Variants in CHRM5 observed in about 807,000 individuals in gnomAD.
The protein encoded by CHRM5 is cholinergic receptor muscarinic 5.
CHRM5 carries 18 observed loss-of-function variants against 39.0 expected under a neutral mutation model. That is an observed-to-expected ratio of 0.46 (90% CI 0.32 to 0.68). CHRM5 has a LOEUF of 0.68. CHRM5 is among the 30% of genes least tolerant of loss of function. The pLI is 0.04. For missense variants in CHRM5, 515 were observed against 651.1 expected (o/e 0.79, Z 2.28); for synonymous variants, 241 against 246.3 (o/e 0.98, Z 0.20).
Position 34,047,168 on chromosome 15 carries a change from CCCGGGTTCACGCCATTCT to C in CHRM5, c.-76+300_-76+317del, listed in dbSNP as rs1899730386. On this transcript the variant is annotated intron_variant, in intron 2 of 2. Coordinates refer to ENST00000383263, the MANE Select transcript of CHRM5 (RefSeq NM_012125.4). ...TCTCGGCTCACTGCAAGCTCCGCCT[CCCGGGTTCACGCCATTCT>C]CCTGCCTCAGCCTCCCGAGTAGCTG... Among the ~76,000 whole-genome samples the C allele has an allele frequency of 2.0e-5, 3 of 151,830 alleles. No individual in the cohort carries two copies. In the South Asian group the frequency reaches 6.2e-4, roughly 32 times the overall value.
intron 1 of CHRM5, among the ~76,000 whole-genome samples, chr15:34,007,822 A>G (rs370233270): frequency 8.6e-4 from 131 of 152,230 alleles, no homozygotes; most frequent in African/African-American, 3.0e-3. Flanking sequence ...TCTGAGGGAG[A>G]ATCTATTCCA....
At chr15:34,059,755 C>T (rs754153360) in intron 2 of CHRM5, among the ~76,000 whole-genome samples, 1 of 152,116 alleles carries the variant, frequency 6.6e-6, no homozygotes, top group Non-Finnish European at 1.5e-5. Flanking sequence ...CTTCAAGTCT[C>T]GACTCTTAGG....
Position 34,063,210 on chromosome 15 carries a change from G to T in CHRM5, c.493G>T (p.Ala165Ser). Reference sequence around the variant, plus strand: ...GATCTCCTTCATCCTCTGGGCCCCAGCAATCCTCTGCTGGCAGTACTTGGT... The same window carrying T: ...GATCTCCTTCATCCTCTGGGCCCCATCAATCCTCTGCTGGCAGTACTTGGT... ...WLISFILWAP[A>S]ILCWQYLVGK... is the part of the protein sequence containing the mutation. Residue 165 changes from alanine to serine, a missense_variant, in exon 3 of 3, where the codon GCA (alanine) becomes TCA (serine). Coordinates refer to ENST00000383263, the MANE Select transcript of CHRM5 (RefSeq NM_012125.4). The surrounding 1 kb of genome is among the most constrained non-coding windows in gnomAD (Gnocchi z 4.1). 6.2e-7 allele frequency: 1 copy of T among 1,614,194 alleles called. No individual in the cohort carries two copies. The highest frequency in any genetic ancestry group is 8.5e-7 in the Non-Finnish European group (1 of 1,180,044).
chr15:34,062,429 C>T (rs1900365954), intron 2 of CHRM5, among the ~76,000 whole-genome samples: 1 of 151,894 alleles, frequency 6.6e-6, no homozygotes, highest in South Asian at 2.1e-4. Flanking sequence ...GTGGTGGGAG[C>T]CTGTGATCCC....
intron 1 of CHRM5, among the ~76,000 whole-genome samples, chr15:34,017,185 C>A (rs1156737975): frequency 6.6e-6 from 1 of 151,946 alleles, no homozygotes; most frequent in Non-Finnish European, 1.5e-5. Context: ...TGAATCCAAC[C>A]ACCCGTCTCA....
chr15:33,996,391 G>A (rs1424145121), intron 1 of CHRM5, among the ~76,000 whole-genome samples: 1 of 152,240 alleles, frequency 6.6e-6, no homozygotes, highest in African/African-American at 2.4e-5. Flanking sequence ...GTGGGTCCCT[G>A]AACCCCATGT....
At chr15:34,038,706 C>CT in intron 1 of CHRM5, 1 of 1,107,472 alleles carries the variant, frequency 9.0e-7, no homozygotes, top group Non-Finnish European at 1.1e-6. Flanking sequence ...TCTCTTGCGG[C>CT]TCTTGACTGG....
At chr15:34,056,631 C>T (rs1900162064) in intron 2 of CHRM5, among the ~76,000 whole-genome samples, 1 of 152,186 alleles carries the variant, frequency 6.6e-6, no homozygotes, top group Non-Finnish European at 1.5e-5. Context: ...TGAGCAGACT[C>T]TGAGGAAGAC....
intron 1 of CHRM5, chr15:33,991,262 CCTT>C (rs1896709534): frequency 1.3e-5 from 2 of 152,080 alleles, no homozygotes; most frequent in African/African-American, 4.8e-5. Flanking sequence ...AAAATACAGA[CCTT>C]CTAACACTTT....
In CHRM5 at chr15:34,014,390, A is replaced by AAAAAAAAAAAAAAAAG. The variant is rs1897784377; in HGVS notation, c.-407-32150_-407-32149insAAAAAAAAAAAAAAAG. ...ATTAAAAAAAAAAAAAAAAACAAAA[A>AAAAAAAAAAAAAAAAG]CAAAAACCACGTTTGAGGATTCTGG... On this transcript the variant is annotated intron_variant, in intron 1 of 2. Coordinates refer to ENST00000383263, the MANE Select transcript of CHRM5 (RefSeq NM_012125.4). Among the ~76,000 whole-genome samples the AAAAAAAAAAAAAAAAG allele has an allele frequency of 7.1e-5, 2 of 28,254 alleles. 1 individual carries two copies. Among genetic ancestry groups the AAAAAAAAAAAAAAAAG allele is most frequent in the African/African-American group, 1.2e-4 (2 of 16,342 alleles). 18.5% of individuals were successfully genotyped at this position (28,254 alleles called of 152,430 possible). A position where few individuals can be genotyped will look rare whatever the true frequency, so the allele number is the denominator to read the frequency against.
chr15:34,005,717 T>A (rs923311910), intron 1 of CHRM5, among the ~76,000 whole-genome samples: 1 of 152,160 alleles, frequency 6.6e-6, no homozygotes, highest in Non-Finnish European at 1.5e-5. Context: ...AATTTCTAGT[T>A]CCCCAACCAT....
rs1361490925 is a variant in CHRM5 at position 34,065,824 on chromosome 15, A to G, written c.*1508A>G. ...TAAAGATGAAGCACTCCTGTCAGAC[A>G]TTATTTAACTCGTTGGTTACATCTG... is the stretch of plus-strand genomic sequence containing the variant. On this transcript the variant is annotated 3_prime_UTR_variant, in exon 3 of 3. Coordinates refer to ENST00000383263, the MANE Select transcript of CHRM5 (RefSeq NM_012125.4). The G allele has an allele frequency of 6.6e-6, 1 of 152,220 alleles. No individual in the cohort carries two copies. Among genetic ancestry groups the G allele is most frequent in the Non-Finnish European group, 1.5e-5 (1 of 68,036 alleles). The allele number at this position is 152,220 out of a possible 1,614,324, so 9.4% of individuals were successfully genotyped here.
At chr15:34,054,895 A>G (rs1900070749) in intron 2 of CHRM5, among the ~76,000 whole-genome samples, 1 of 152,196 alleles carries the variant, frequency 6.6e-6, no homozygotes, top group African/African-American at 2.4e-5. Flanking sequence ...ATTTTAAAAC[A>G]TCTTAAAAGT....
chr15:33,972,124 C>T (rs992715392), intron 1 of CHRM5: 1 of 152,056 alleles, frequency 6.6e-6, no homozygotes, highest in African/African-American at 2.4e-5. Flanking sequence ...ATAAAAGTAC[C>T]ATCTCACAGT....
intron 1 of CHRM5, among the ~76,000 whole-genome samples, chr15:34,028,002 C>G (rs718690): frequency 0.27 from 41,028 of 151,976 alleles, 7,210 homozygotes; most frequent in African/African-American, 0.48. Flanking sequence ...CCTCTGGCTG[C>G]CCTTAAGGCT....
intron 1 of CHRM5, among the ~76,000 whole-genome samples, chr15:34,025,444 G>C (rs1387758951): frequency 6.6e-6 from 1 of 152,132 alleles, no homozygotes; most frequent in Non-Finnish European, 1.5e-5. Context: ...GACTAGAGTG[G>C]TTAGGATGCC....
chr15:33,990,681 C>T (rs1896684082), intron 1 of CHRM5: 1 of 152,192 alleles, frequency 6.6e-6, no homozygotes, highest in African/African-American at 2.4e-5. Flanking sequence ...GAAAGATAAC[C>T]ACAGCAGCCA....
intron 2 of CHRM5, among the ~76,000 whole-genome samples, chr15:34,055,379 C>T (rs1900099197): frequency 1.3e-5 from 2 of 151,898 alleles, no homozygotes; most frequent in Non-Finnish European, 2.9e-5. Flanking sequence ...GTGGTGTGCA[C>T]CTGTAGTCCC....
intron 1 of CHRM5, among the ~76,000 whole-genome samples, chr15:34,041,377 C>T (rs1899470660): frequency 6.6e-6 from 1 of 152,128 alleles, no homozygotes; most frequent in Non-Finnish European, 1.5e-5. Flanking sequence ...AATTTGCCAA[C>T]ATTGAGAAAC....
Sources: gnomAD v4.1 joint callset for allele counts (sites outside exome capture counted in the v4.1 genomes callset) on GRCh38, gnomAD v4.1.1 for gene constraint, Gnocchi (gnomAD v3.1) non-coding constraint, MANE v1.5 for transcripts, NCBI Gene and HGNC (gene_info 2026-07-23, HGNC 2026-07-21) for gene names.